The following SASH1 variants were observed in gnomAD, a reference collection of about 807,000 sequenced individuals.
SASH1 encodes SAM and SH3 domain containing 1, also known as SAM and SH3 domain-containing protein 1.
Under a neutral mutation model 125.2 loss-of-function variants are expected in SASH1, and 44 were observed. The observed-to-expected ratio is 0.35, with a 90% CI of 0.28 to 0.45. The LOEUF is 0.45. Ranked by LOEUF, SASH1 falls within the 20% of genes least tolerant of loss-of-function variation. The pLI is 1.00. For synonymous variants in SASH1, 639 were observed against 649.1 expected (o/e 0.98, Z 0.24); for missense variants, 1,426 against 1,614.5 (o/e 0.88, Z 2.00).
the SASH1 span, among the ~76,000 whole-genome samples, chr6:148,255,548 A>T: frequency 6.6e-6 from 1 of 152,192 alleles, no homozygotes; most frequent in Non-Finnish European, 1.5e-5. Context: ...TCTCCTTTTC[A>T]GTTGTGGCAC....
At chr6:148,284,320 TC>T (rs969369371) in intron 1 of SASH1, among the ~76,000 whole-genome samples, 1 of 151,996 alleles carries the variant, frequency 6.6e-6, no homozygotes, top group African/African-American at 2.4e-5. Context: ...ACGCCTATAG[TC>T]CCAGCTACTC....
intron 1 of SASH1, among the ~76,000 whole-genome samples, chr6:148,286,371 G>T (rs145509108): frequency 0.02 from 3,054 of 151,760 alleles, 65 homozygotes; most frequent in Non-Finnish European, 0.03. Context: ...ACCGCACTCC[G>T]GCCTGGGTGA....
chr6:148,546,144 G>C lies in SASH1; in HGVS notation c.3478G>C (p.Ala1160Pro). The C allele has an allele frequency of 6.2e-7, 1 of 1,613,722 alleles. No homozygotes were observed. Among genetic ancestry groups the C allele is most frequent in the Non-Finnish European group, 8.5e-7 (1 of 1,179,818 alleles). The change falls in exon 19 of 20, where the codon GCG becomes CCG. Residue 1160 changes from alanine to proline, a missense_variant and splice_region_variant. Ala to Pro is a conservative substitution (Grantham distance 27). Coordinates refer to ENST00000367467, the MANE Select transcript of SASH1 (RefSeq NM_015278.5). ...GCAGCTTCGGAAGCAGCACCGCATG[G>C]CGGTGAGCAGCCCACAGTTCTCCAG... ...VKQLRKQHRM[A>P]IPSGGLTEIC...
chr6:148,317,240 A>C (rs1780500361), intron 1 of SASH1, among the ~76,000 whole-genome samples: 1 of 152,168 alleles, frequency 6.6e-6, no homozygotes. Flanking sequence ...TCTCTACTGA[A>C]CCCTTGCATG....
intron 4 of SASH1, among the ~76,000 whole-genome samples, chr6:148,463,772 C>T (rs1777722599): frequency 6.6e-6 from 1 of 152,192 alleles, no homozygotes; most frequent in Admixed American, 6.5e-5. Context: ...AAGGGGACCT[C>T]TTGTTCCCTC....
intron 8 of SASH1, among the ~76,000 whole-genome samples, chr6:148,489,272 T>C (rs907295496): frequency 6.6e-6 from 1 of 152,214 alleles, no homozygotes; most frequent in Non-Finnish European, 1.5e-5. Context: ...GAAAATTGAT[T>C]GATCATATAT....
chr6:148,311,150 G>A (rs1451649064), intron 1 of SASH1, among the ~76,000 whole-genome samples: 4 of 149,788 alleles, frequency 2.7e-5, no homozygotes, highest in Non-Finnish European at 3.0e-5. Context: ...TCTGTCGCCC[G>A]GGCTGGAGAG....
intron 11 of SASH1, chr6:148,527,123 C>T (rs1048141662): frequency 2.1e-5 from 4 of 186,094 alleles, no homozygotes; most frequent in Non-Finnish European, 4.4e-5. Flanking sequence ...CCACCTGCCT[C>T]AGCCTCCCAA....
At chr6:148,300,332 T>A (rs968939403) in intron 1 of SASH1, among the ~76,000 whole-genome samples, 15 of 152,192 alleles carry the variant, frequency 9.9e-5, no homozygotes, top group African/African-American at 3.4e-4. Context: ...GGATGCTCTT[T>A]CCCCTCCGTA....
At chr6:148,362,104 T>G (rs556816442) in intron 1 of SASH1, among the ~76,000 whole-genome samples, 1 of 151,692 alleles carries the variant, frequency 6.6e-6, no homozygotes, top group Non-Finnish European at 1.5e-5. Context: ...GTTTGTTGTA[T>G]TTTTAGTAGA....
the SASH1 span, among the ~76,000 whole-genome samples, chr6:148,243,125 C>T: frequency 6.6e-6 from 1 of 151,570 alleles, no homozygotes; most frequent in Non-Finnish European, 1.5e-5. Context: ...AAACCAGCCT[C>T]ACCAACATGG....
intron 4 of SASH1, among the ~76,000 whole-genome samples, chr6:148,463,147 ATTT>A (rs202197858): frequency 6.9e-6 from 1 of 145,046 alleles, no homozygotes; most frequent in African/African-American, 2.5e-5. Context: ...CTGCAATATA[ATTT>A]TTTTTTTTTT....
chr6:148,249,444 A>C, the SASH1 span, among the ~76,000 whole-genome samples: 1 of 152,224 alleles, frequency 6.6e-6, no homozygotes, highest in Non-Finnish European at 1.5e-5. Context: ...ATGTGTAAAC[A>C]GTCTGTGTGA....
In SASH1 at chr6:148,311,446, T is replaced by TC. The variant is rs1393400294; in HGVS notation, n.74+39069_74+39070insC. 4.6e-5 allele frequency among the ~76,000 whole-genome samples: 7 copies of TC among 152,242 alleles called. No individual in the cohort carries two copies. The South Asian group carries it at 1.5e-3, about 32-fold the overall frequency. Reference sequence around the variant, plus strand: ...AATAAAATTAAATATACATGCGAACTTTCCCTATAACCCACCAATCCCACT... The same window carrying TC: ...AATAAAATTAAATATACATGCGAACTCTTCCCTATAACCCACCAATCCCACT... On this transcript the variant is annotated intron_variant and non_coding_transcript_variant, in intron 1 of 3. Coordinates refer to the SASH1 transcript ENST00000367469.
chr6:148,528,800 A>ATT lies in SASH1; in HGVS notation c.1428+1205_1428+1206dup, dbSNP rs541475679. 4.0e-4 allele frequency among the ~76,000 whole-genome samples: 61 copies of ATT among 152,284 alleles called. No homozygotes were observed. The East Asian group carries it at 0.012, about 29-fold the overall frequency. On this transcript the variant is annotated intron_variant, in intron 12 of 19. Transcript: ENST00000367467. ...GGTGGTTTCAGGATGATTCACATGC[A>ATT]TTACATTTATTGTTCACTTCATTTC... is the stretch of plus-strand genomic sequence containing the variant.
the SASH1 span, among the ~76,000 whole-genome samples, chr6:148,254,872 T>C: frequency 1.3e-5 from 2 of 152,088 alleles, no homozygotes; most frequent in East Asian, 3.9e-4. Flanking sequence ...TCAAGACAAA[T>C]GAAAACATAT....
intron 1 of SASH1, among the ~76,000 whole-genome samples, chr6:148,322,749 A>G (rs1051699621): frequency 1.3e-5 from 2 of 151,954 alleles, no homozygotes; most frequent in Non-Finnish European, 2.9e-5. Context: ...TCTCTCTCAG[A>G]CATTGTGTCA....
At chr6:148,214,898 A>T in the SASH1 span, among the ~76,000 whole-genome samples, 3 of 151,820 alleles carry the variant, frequency 2.0e-5, no homozygotes, top group Non-Finnish European at 2.9e-5. Flanking sequence ...AAAGAAAATG[A>T]CTGTGTTCCT....
At chr6:148,217,942 G>A in the SASH1 span, among the ~76,000 whole-genome samples, 1 of 151,408 alleles carries the variant, frequency 6.6e-6, no homozygotes, top group Non-Finnish European at 1.5e-5. Context: ...TTGAGCTCTG[G>A]AGTTTGAGGC....
Sources: gnomAD v4.1 joint callset for allele counts (sites outside exome capture counted in the v4.1 genomes callset) on GRCh38, gnomAD v4.1.1 for gene constraint, MANE v1.5 for transcripts, NCBI Gene and HGNC (gene_info 2026-07-23, HGNC 2026-07-21) for gene names.